Variants in CHMP1B observed in about 807,000 individuals in gnomAD.
CHMP1B encodes the protein charged multivesicular body protein 1B, also known as VPS46 homolog B.
In CHMP1B, 5 loss-of-function variants were observed where a neutral mutation model predicts 11.5. The ratio of observed to expected loss-of-function variants is 0.43; its 90% CI spans 0.23 to 0.91. The LOEUF is 0.91. CHMP1B is among the 40% of genes least tolerant of loss of function. The probability of loss-of-function intolerance (pLI) is 0.25; values close to 1 mark genes in which losing one functional copy is unlikely to be tolerated. For synonymous variants in CHMP1B, 105 were observed against 105.7 expected (o/e 0.99, Z 0.04); for missense variants, 246 against 261.2 (o/e 0.94, Z 0.40).
At position 11,851,532 on chromosome 18, in the gene CHMP1B, C is replaced by A. The variant is rs376388065; in HGVS notation, c.21C>A (p.His7Gln). The A allele has an allele frequency of 1.2e-6, 2 of 1,600,472 alleles. No individual in the cohort carries two copies. The highest frequency in any genetic ancestry group is 1.7e-6 in the Non-Finnish European group (2 of 1,174,296). MSNMEK[H>Q]LFNLKFAAKE... ...CGACTATGTCTAACATGGAGAAACACCTGTTCAACCTGAAGTTCGCGGCCA... is the reference window on the plus strand; with the variant it reads ...CGACTATGTCTAACATGGAGAAACAACTGTTCAACCTGAAGTTCGCGGCCA... Residue 7 changes from histidine to glutamine, a missense_variant, in exon 1 of 1, where the codon CAC becomes CAA. Physicochemically the swap from His to Gln is conservative, Grantham distance 24. Transcript: ENST00000526991.
rs1475020363 is a variant in CHMP1B at position 11,852,003 on chromosome 18, C to T, written c.492C>T (p.Leu164=). 4.3e-6 allele frequency: 7 copies of T among 1,613,582 alleles called. No homozygotes were observed. The highest frequency in any genetic ancestry group is 5.9e-6 in the Non-Finnish European group (7 of 1,179,822). The stretch of plus-strand genomic sequence containing the variant: ...TGGCAGATGAGGCGGGCCTCGACCT[C>T]AACATGGAGCTGCCGCAGGGCCAGA... ...QEMADEAGLD[L]NMELPQGQTG... Residue 164 remains leucine (L), a synonymous_variant, in exon 1 of 1, where the codon CTC becomes CTT. Coordinates refer to ENST00000526991, the MANE Select transcript of CHMP1B (RefSeq NM_020412.5).
Position 11,852,613 on chromosome 18 carries a change from GT to G in CHMP1B, c.*516del, listed in dbSNP as rs59761845. The G allele has an allele frequency of 7.5e-3, 1,125 of 150,648 alleles. 2 individuals carry two copies. The highest frequency in any genetic ancestry group is 8.1e-3 in the South Asian group (37 of 4,570). The allele number at this position is 150,648 out of a possible 1,614,324, so 9.3% of individuals were successfully genotyped here. On this transcript the variant is annotated 3_prime_UTR_variant, in exon 1 of 1. Transcript: ENST00000526991. Reference sequence around the variant, plus strand: ...GTTTATCCTTTGGGTTTTGGTTTTTGTTTTTTTTTTTTTTGCCTTCACAGTG... The same window carrying G: ...GTTTATCCTTTGGGTTTTGGTTTTTGTTTTTTTTTTTTTGCCTTCACAGTG...
chr18:11,852,051 G>C lies in CHMP1B; in HGVS notation c.540G>C (p.Val180=). The change falls in exon 1 of 1, where the codon GTG becomes GTC. Residue 180 remains valine, a synonymous_variant. Transcript: ENST00000526991. ...QGQTGSVGTS[V]ASAEQDELSQ... is the part of the protein sequence containing the mutation. ...AGACCGGCTCCGTGGGCACGAGCGTGGCTTCGGCGGAGCAGGATGAACTGT... is the reference window on the plus strand; with the variant it reads ...AGACCGGCTCCGTGGGCACGAGCGTCGCTTCGGCGGAGCAGGATGAACTGT... 6.2e-7 allele frequency: 1 copy of C among 1,613,592 alleles called. No homozygotes were observed. The highest frequency in any genetic ancestry group is 8.5e-7 in the Non-Finnish European group (1 of 1,179,794).
chr18:11,852,147 C>A lies in CHMP1B; in HGVS notation c.*36C>A. On this transcript the variant is annotated 3_prime_UTR_variant, in exon 1 of 1. Coordinates refer to ENST00000526991, the MANE Select transcript of CHMP1B (RefSeq NM_020412.5). The stretch of plus-strand genomic sequence containing the variant: ...CGCTCTGAGGTTTCCTGGCCATAGC[C>A]ACCCTTTGAAATGCTCTCTGTGTGT... 2 of 1,530,678 alleles carry A rather than the reference C, an allele frequency of 1.3e-6. No individual in the cohort carries two copies. Among genetic ancestry groups the A allele is most frequent in the Non-Finnish European group, 1.8e-6 (2 of 1,137,138 alleles). The allele number at this position is 1,530,678 out of a possible 1,614,324, so 94.8% of individuals were successfully genotyped here. A position where few individuals can be genotyped will look rare whatever the true frequency, so the allele number is the denominator to read the frequency against.
At position 11,852,049 on chromosome 18, in the gene CHMP1B, G is replaced by A. The variant is rs1240339384; in HGVS notation, c.538G>A (p.Val180Met). 4 of 1,613,658 alleles carry A rather than the reference G, an allele frequency of 2.5e-6. No individual in the cohort carries two copies. Among genetic ancestry groups the A allele is most frequent in the African/African-American group, 2.7e-5 (2 of 75,052 alleles). The change falls in exon 1 of 1, where the codon GTG (valine) becomes ATG (methionine). Residue 180 changes from valine (V) to methionine (M), a missense_variant. By Grantham distance (21) the Val-to-Met change is conservative (BLOSUM62 1). Transcript: ENST00000526991. The part of the protein sequence containing the change: ...QGQTGSVGTS[V>M]ASAEQDELSQ... Reference sequence around the variant, plus strand: ...CCAGACCGGCTCCGTGGGCACGAGCGTGGCTTCGGCGGAGCAGGATGAACT... The same window carrying A: ...CCAGACCGGCTCCGTGGGCACGAGCATGGCTTCGGCGGAGCAGGATGAACT...
rs1166534654 is a variant in CHMP1B at position 11,852,169 on chromosome 18, G to C, written c.*58G>C. The C allele has an allele frequency of 9.4e-6, 14 of 1,485,054 alleles. No individual in the cohort carries two copies. The South Asian group carries it at 1.1e-4, about 12-fold the overall frequency. 92.0% of individuals were successfully genotyped at this position (1,485,054 alleles called of 1,614,324 possible). On this transcript the variant is annotated 3_prime_UTR_variant, in exon 1 of 1. Transcript: ENST00000526991. The stretch of plus-strand genomic sequence containing the variant: ...AGCCACCCTTTGAAATGCTCTCTGT[G>C]TGTTAGAGAGATACTATACCCTAGA...
At position 11,852,600 on chromosome 18, in the gene CHMP1B, G is replaced by T; in HGVS notation, c.*489G>T. Reference sequence around the variant, plus strand: ...CTGTGCTATTTCTGTTTATCCTTTGGGTTTTGGTTTTTGTTTTTTTTTTTT... The same window carrying T: ...CTGTGCTATTTCTGTTTATCCTTTGTGTTTTGGTTTTTGTTTTTTTTTTTT... On this transcript the variant is annotated 3_prime_UTR_variant, in exon 1 of 1. Transcript: ENST00000526991. 1 of 92,478 alleles carries T rather than the reference G, an allele frequency of 1.1e-5. No homozygotes were observed. The allele number at this position is 92,478 out of a possible 1,614,324, so 5.7% of individuals were successfully genotyped here.
Position 11,852,186 on chromosome 18 carries a change from T to TA in CHMP1B, c.*76dup, listed in dbSNP as rs1598428738. The TA allele has an allele frequency of 8.3e-6, 12 of 1,447,560 alleles. No individual in the cohort carries two copies. The East Asian group carries it at 2.0e-4, about 24-fold the overall frequency. 89.7% of individuals were successfully genotyped at this position (1,447,560 alleles called of 1,614,324 possible). On this transcript the variant is annotated 3_prime_UTR_variant, in exon 1 of 1. Transcript: ENST00000526991. The stretch of plus-strand genomic sequence containing the variant: ...CTCTCTGTGTGTTAGAGAGATACTA[T>TA]ACCCTAGAAACTCTGAACACGCCAG...
rs553823573 is a variant in CHMP1B at position 11,852,570 on chromosome 18, G to A, written c.*459G>A. 1 of 172,276 alleles carries A rather than the reference G, an allele frequency of 5.8e-6. No homozygotes were observed. The highest frequency in any genetic ancestry group is 1.9e-4 in the East Asian group (1 of 5,292). The allele number at this position is 172,276 out of a possible 1,614,324, so 10.7% of individuals were successfully genotyped here. ...TTATAAACACCATGCAGTGTATTCG[G>A]TGGACTGTGCTATTTCTGTTTATCC... On this transcript the variant is annotated 3_prime_UTR_variant, in exon 1 of 1. Coordinates refer to ENST00000526991, the MANE Select transcript of CHMP1B (RefSeq NM_020412.5).
chr18:11,851,447 C>G lies in CHMP1B; in HGVS notation c.-65C>G. ...GGAGCGGCGGCCGGGAGCGGACTTA[C>G]CTTACCTTCTCTGCCTTCGGCGCGC... On this transcript the variant is annotated 5_prime_UTR_variant, in exon 1 of 1. Coordinates refer to ENST00000526991, the MANE Select transcript of CHMP1B (RefSeq NM_020412.5). The G allele has an allele frequency of 6.8e-7, 1 of 1,465,696 alleles. No individual in the cohort carries two copies. Among genetic ancestry groups the G allele is most frequent in the Non-Finnish European group, 9.0e-7 (1 of 1,115,322 alleles). 90.8% of individuals were successfully genotyped at this position (1,465,696 alleles called of 1,614,324 possible). A position where few individuals can be genotyped will look rare whatever the true frequency, so the allele number is the denominator to read the frequency against.
rs527932871 is a variant in CHMP1B at position 11,852,932 on chromosome 18, T to C, written c.*821T>C. On this transcript the variant is annotated 3_prime_UTR_variant, in exon 1 of 1. Coordinates refer to ENST00000526991, the MANE Select transcript of CHMP1B (RefSeq NM_020412.5). ...TTCAAACGAACTTCTCTAACAAGTT[T>C]ATAGTTATTTTCCTGTTTCAACACT... 6.0e-6 allele frequency: 1 copy of C among 167,156 alleles called. No homozygotes were observed. The highest frequency in any genetic ancestry group is 2.4e-5 in the African/African-American group (1 of 41,592). 10.4% of individuals were successfully genotyped at this position (167,156 alleles called of 1,614,324 possible).
chr18:11,853,423 A>G lies in CHMP1B; in HGVS notation c.*1312A>G, dbSNP rs72868678. On this transcript the variant is annotated 3_prime_UTR_variant, in exon 1 of 1. Coordinates refer to ENST00000526991, the MANE Select transcript of CHMP1B (RefSeq NM_020412.5). ...TAGCCTCGAAACATGGAGAAAAGCA[A>G]CTTGCTTTTGCCTTGGCAAGCATGC... The G allele has an allele frequency of 0.033, 5,563 of 167,210 alleles. 144 individuals carry two copies. The highest frequency in any genetic ancestry group is 0.054 in the Non-Finnish European group (3,666 of 68,102). The allele number at this position is 167,210 out of a possible 1,614,324, so 10.4% of individuals were successfully genotyped here.
Position 11,851,484 on chromosome 18 carries a change from G to T in CHMP1B, c.-28G>T. The stretch of plus-strand genomic sequence containing the variant: ...TGCCTTCGGCGCGCTTCTCAGCCGG[G>T]CCGCCGACCCAAAGGAGCCGTCCGA... On this transcript the variant is annotated 5_prime_UTR_variant, in exon 1 of 1. Transcript: ENST00000526991. 8.6e-6 allele frequency: 13 copies of T among 1,509,420 alleles called. No individual in the cohort carries two copies. Among genetic ancestry groups the T allele is most frequent in the Non-Finnish European group, 1.1e-5 (13 of 1,134,364 alleles). 93.5% of individuals were successfully genotyped at this position (1,509,420 alleles called of 1,614,324 possible).
At position 11,851,789 on chromosome 18, in the gene CHMP1B, C is replaced by G. The variant is rs952579364; in HGVS notation, c.278C>G (p.Ala93Gly). The change falls in exon 1 of 1, where the codon GCT becomes GGT. Residue 93 changes from alanine to glycine, a missense_variant. By Grantham distance (60) the Ala-to-Gly change is moderately conservative. Coordinates refer to ENST00000526991, the MANE Select transcript of CHMP1B (RefSeq NM_020412.5). ...VTMGKVTKSM[A>G]GVVKSMDATL... ...ATGGGCAAGGTGACCAAGTCGATGG[C>G]TGGTGTGGTTAAGTCGATGGATGCG... 1 of 1,613,966 alleles carries G rather than the reference C, an allele frequency of 6.2e-7. No homozygotes were observed. The highest frequency in any genetic ancestry group is 8.5e-7 in the Non-Finnish European group (1 of 1,179,896).
At position 11,851,464 on chromosome 18, in the gene CHMP1B, T is replaced by G; in HGVS notation, c.-48T>G. ...CGGACTTACCTTACCTTCTCTGCCT[T>G]CGGCGCGCTTCTCAGCCGGGCCGCC... On this transcript the variant is annotated 5_prime_UTR_variant, in exon 1 of 1. Coordinates refer to ENST00000526991, the MANE Select transcript of CHMP1B (RefSeq NM_020412.5). 6 of 1,482,120 alleles carry G rather than the reference T, an allele frequency of 4.0e-6. No individual in the cohort carries two copies. The South Asian group carries it at 7.0e-5, about 17-fold the overall frequency. The allele number at this position is 1,482,120 out of a possible 1,614,324, so 91.8% of individuals were successfully genotyped here.
At position 11,851,503 on chromosome 18, in the gene CHMP1B, C is replaced by G; in HGVS notation, c.-9C>G. On this transcript the variant is annotated 5_prime_UTR_variant, in exon 1 of 1. Transcript: ENST00000526991. ...AGCCGGGCCGCCGACCCAAAGGAGC[C>G]GTCCGACTATGTCTAACATGGAGAA... 6.5e-7 allele frequency: 1 copy of G among 1,548,220 alleles called. No individual in the cohort carries two copies. The highest frequency in any genetic ancestry group is 8.7e-7 in the Non-Finnish European group (1 of 1,151,262).
In CHMP1B at chr18:11,851,749, C is replaced by G; in HGVS notation, c.238C>G (p.Gln80Glu). ...AGTCGATGCAGTGGCTGCCAGGGTC[C>G]AGACGGCGGTGACGATGGGCAAGGT... ...ARVDAVAARVQTAVTMGKVTK... is the reference protein window; with the variant it reads ...ARVDAVAARVETAVTMGKVTK... Residue 80 changes from glutamine to glutamate, a missense_variant, in exon 1 of 1, where the codon CAG becomes GAG. Physicochemically the swap from Gln to Glu is conservative, Grantham distance 29. Transcript: ENST00000526991. The G allele has an allele frequency of 6.2e-7, 1 of 1,613,962 alleles. No individual in the cohort carries two copies. The highest frequency in any genetic ancestry group is 1.3e-5 in the African/African-American group (1 of 75,054).
chr18:11,851,571 G>C lies in CHMP1B; in HGVS notation c.60G>C (p.Arg20Ser). 5 of 1,612,442 alleles carry C rather than the reference G, an allele frequency of 3.1e-6. No homozygotes were observed. The highest frequency in any genetic ancestry group is 4.2e-6 in the Non-Finnish European group (5 of 1,179,210). ...NLKFAAKELS[R>S]SAKKCDKEEK... ...AGTTCGCGGCCAAAGAACTGAGTAG[G>C]AGTGCCAAAAAATGCGATAAGGAGG... Residue 20 changes from arginine (R) to serine (S), a missense_variant, in exon 1 of 1, where the codon AGG (arginine) becomes AGC (serine). By Grantham distance (110) the Arg-to-Ser change is moderately radical. Coordinates refer to ENST00000526991, the MANE Select transcript of CHMP1B (RefSeq NM_020412.5).
rs146279939 is a variant in CHMP1B at position 11,854,184 on chromosome 18, C to G, written c.*2073C>G. ...ACTTTAAAAATAGCTTAGTGTTGAA[C>G]CCTTTGGTAAACTAAAGACCCTTTT... On this transcript the variant is annotated 3_prime_UTR_variant, in exon 1 of 1. Coordinates refer to ENST00000526991, the MANE Select transcript of CHMP1B (RefSeq NM_020412.5). The G allele has an allele frequency of 3.3e-4, 55 of 167,146 alleles. No individual in the cohort carries two copies. The highest frequency in any genetic ancestry group is 2.8e-3 in the Admixed American group (43 of 15,278). 10.4% of individuals were successfully genotyped at this position (167,146 alleles called of 1,614,324 possible).
Sources: gnomAD v4.1 joint callset for allele counts on GRCh38, gnomAD v4.1.1 for gene constraint, MANE v1.5 for transcripts, NCBI Gene and HGNC (gene_info 2026-07-23, HGNC 2026-07-21) for gene names.